Variants in GHR observed in about 807,000 individuals in gnomAD.
The protein encoded by GHR is growth hormone receptor, also known as GH receptor.
A neutral mutation model predicts 67.1 loss-of-function variants in GHR; 35 were observed. The ratio of observed to expected loss-of-function variants is 0.52; its 90% confidence interval spans 0.40 to 0.69. GHR has a LOEUF of 0.69. Among genes scored for constraint, GHR ranks in the 30% least tolerant of loss-of-function variants. The pLI is 0.00. For synonymous variants in GHR, 272 were observed against 269.1 expected, an observed-to-expected ratio of 1.01 and a Z score of -0.10; for missense variants, 792 against 764.6, an observed-to-expected ratio of 1.04 and a Z score of -0.42.
At position 42,547,071 on chromosome 5, in the gene GHR, CAT is replaced by C. The variant is rs564211530; in HGVS notation, c.-11-18790_-11-18789del. On this transcript the variant is annotated intron_variant, in intron 1 of 9. Coordinates refer to ENST00000230882, the MANE Select transcript of GHR (RefSeq NM_000163.5). ...ACACATTCAAAATAAGATTTCAAAACATATTAGCCACAATTCACAATCAGCAA... is the reference window on the plus strand; with the variant it reads ...ACACATTCAAAATAAGATTTCAAAACATTAGCCACAATTCACAATCAGCAA... Among the ~76,000 whole-genome samples, 378 of 152,286 alleles carry C rather than the reference CAT, an allele frequency of 2.5e-3. 2 individuals are homozygous for C. Among genetic ancestry groups the C allele is most frequent in the African/African-American group, 8.7e-3 (363 of 41,558 alleles).
intron 6 of GHR, among the ~76,000 whole-genome samples, chr5:42,708,935 T>C (rs1373385381): frequency 6.6e-6 from 1 of 152,230 alleles, no homozygotes; most frequent in East Asian, 1.9e-4. Flanking sequence ...TTTGGTAATT[T>C]ACAAAGGTCT....
In GHR at chr5:42,715,605, A is replaced by C. The variant is rs140549642; in HGVS notation, c.875+2086A>C. On this transcript the variant is annotated intron_variant, in intron 8 of 9. Transcript: ENST00000230882. ...CCTTTGAGCTGTTACCAATTGAGGAAAGAAATAACTGAATCAGCCTAAAAT... is the reference window on the plus strand; with the variant it reads ...CCTTTGAGCTGTTACCAATTGAGGACAGAAATAACTGAATCAGCCTAAAAT... Among the ~76,000 whole-genome samples the C allele has an allele frequency of 1.6e-3, 244 of 152,378 alleles. 1 individual carries two copies. The highest frequency in any genetic ancestry group is 5.5e-3 in the African/African-American group (229 of 41,598).
chr5:42,711,481 T>A, intron 7 of GHR, 109 bp downstream of exon 7: 1 of 783,008 alleles, frequency 1.3e-6, no homozygotes. Context: ...TATATTAACA[T>A]CAGATATCAG....
At chr5:42,636,253 A>AT (rs780653727) in intron 3 of GHR, among the ~76,000 whole-genome samples, 72 of 151,204 alleles carry the variant, frequency 4.8e-4, no homozygotes, top group Non-Finnish European at 9.3e-4. Context: ...AAGAAGGATG[A>AT]TTAAGCATCT....
intron 1 of GHR, among the ~76,000 whole-genome samples, chr5:42,557,718 G>T (rs1413888597): frequency 6.6e-6 from 1 of 152,082 alleles, no homozygotes; most frequent in Non-Finnish European, 1.5e-5. Context: ...TAGCATCTGT[G>T]GTAGAAGCTA....
chr5:42,481,060 G>A (rs1330695000), intron 1 of GHR, among the ~76,000 whole-genome samples: 1 of 151,984 alleles, frequency 6.6e-6, no homozygotes, highest in Admixed American at 6.6e-5. Context: ...GCTTCCTTCA[G>A]GAGCTCTTTT....
chr5:42,519,904 C>T (rs2112296127), intron 1 of GHR, among the ~76,000 whole-genome samples: 1 of 152,170 alleles, frequency 6.6e-6, no homozygotes, highest in East Asian at 1.9e-4. Context: ...GTTTTTGCTG[C>T]AATTTGTTCA....
rs762581447 is a variant in GHR, at chr5:42,711,375, A to G, written c.784+3A>G. On this transcript the variant is annotated splice_donor_region_variant and intron_variant, in intron 7 of 9. Transcript: ENST00000230882. Reference sequence around the variant, plus strand: ...GAGCCAATTTACATGTGAAGAAGGTAAAAGAAATAAAAGATTAAAATAGTA... The same window carrying G: ...GAGCCAATTTACATGTGAAGAAGGTGAAAGAAATAAAAGATTAAAATAGTA... 3.1e-6 allele frequency: 5 copies of G among 1,597,266 alleles called. No homozygotes were observed. In the South Asian group the frequency reaches 3.3e-5, roughly 11 times the overall value.
chr5:42,443,493 C>T (rs572921732), intron 1 of GHR, among the ~76,000 whole-genome samples: 1 of 152,146 alleles, frequency 6.6e-6, no homozygotes, highest in South Asian at 2.1e-4. Flanking sequence ...AATTTAATGT[C>T]AAGGGCATTT....
chr5:42,674,967 A>G (rs1756499508), intron 3 of GHR, among the ~76,000 whole-genome samples: 1 of 152,108 alleles, frequency 6.6e-6, no homozygotes, highest in African/African-American at 2.4e-5. Flanking sequence ...TTCTGAACAG[A>G]AGTGTGTGAG....
Position 42,467,682 on chromosome 5 carries a change from A to G in GHR, c.-12+43727A>G. The stretch of plus-strand genomic sequence containing the variant: ...TTCTCTGATGCACATCGAGCTTTGC[A>G]CTCTGAATGAAGGCCTTCCCACACT... On this transcript the variant is annotated intron_variant, in intron 1 of 9. Transcript: ENST00000230882. 1.0e-5 allele frequency: 16 copies of G among 1,588,948 alleles called. 1 individual carries two copies. In the South Asian group the frequency reaches 1.8e-4, roughly 18 times the overall value.
intron 1 of GHR, among the ~76,000 whole-genome samples, chr5:42,504,252 C>A (rs1452303833): frequency 3.3e-5 from 5 of 151,990 alleles, no homozygotes; most frequent in African/African-American, 9.7e-5. Context: ...GACTATAGGC[C>A]CTAGTTCAGT....
intron 1 of GHR, among the ~76,000 whole-genome samples, chr5:42,427,356 C>T (rs942396185): frequency 6.6e-6 from 1 of 152,214 alleles, no homozygotes; most frequent in African/African-American, 2.4e-5. Flanking sequence ...TACATGACAG[C>T]AGGCAAGAAA....
At chr5:42,546,862 A>G (rs1748756866) in intron 1 of GHR, among the ~76,000 whole-genome samples, 1 of 152,128 alleles carries the variant, frequency 6.6e-6, no homozygotes, top group Non-Finnish European at 1.5e-5. Flanking sequence ...GATGGAATGG[A>G]CTCAAAAGAT....
chr5:42,708,004 T>C (rs1758264063), intron 6 of GHR, among the ~76,000 whole-genome samples: 1 of 152,132 alleles, frequency 6.6e-6, no homozygotes, highest in Non-Finnish European at 1.5e-5. Context: ...CTTTCATATG[T>C]TTTTATGTTA....
At chr5:42,716,742 G>A (rs561746282) in intron 8 of GHR, among the ~76,000 whole-genome samples, 1 of 152,202 alleles carries the variant, frequency 6.6e-6, no homozygotes, top group East Asian at 1.9e-4. Flanking sequence ...GAGTAGTAGA[G>A]GCTACTTAAT....
chr5:42,706,655 T>G (rs10061833), intron 6 of GHR, among the ~76,000 whole-genome samples: 99,653 of 151,956 alleles, frequency 0.66, 33,827 homozygotes, highest in East Asian at 0.84. Flanking sequence ...TTTTCCTCAT[T>G]TCCTGTTTTT....
chr5:42,532,361 G>GAT (rs1323775656), intron 1 of GHR, among the ~76,000 whole-genome samples: 1 of 152,012 alleles, frequency 6.6e-6, no homozygotes, highest in African/African-American at 2.4e-5. Flanking sequence ...TAGATAGATA[G>GAT]ATAGATAGAT....
In GHR at chr5:42,658,650, T is replaced by TC. The variant is rs200699916; in HGVS notation, c.136+29553dup. On this transcript the variant is annotated intron_variant, in intron 3 of 9. Coordinates refer to ENST00000230882, the MANE Select transcript of GHR (RefSeq NM_000163.5). ...TGGTTCTCATCAAGGGTGATTTTTT[T>TC]CCCCCCAGGGGACATTTGGCAATGT... 1.3e-3 allele frequency among the ~76,000 whole-genome samples: 198 copies of TC among 151,776 alleles called. 1 individual carries two copies. The highest frequency in any genetic ancestry group is 3.7e-3 in the African/African-American group (153 of 41,390).
Sources: allele counts gnomAD v4.1 joint callset (sites outside exome capture counted in the v4.1 genomes callset), GRCh38; gene constraint gnomAD v4.1.1; transcripts MANE v1.5; gene names NCBI Gene and HGNC (gene_info 2026-07-23, HGNC 2026-07-21).